The following TSPAN9 variants were observed in gnomAD, a reference collection of about 807,000 sequenced individuals.
The protein encoded by TSPAN9 is tetraspanin-9.
A neutral mutation model predicts 31.0 loss-of-function variants in TSPAN9; 16 were observed. That is an observed-to-expected ratio of 0.52 (90% CI 0.35 to 0.78). The LOEUF is 0.78. TSPAN9 is among the 30% of genes least tolerant of loss of function. The pLI, the probability that TSPAN9 is intolerant of heterozygous loss-of-function variation, is 0.01. For synonymous variants in TSPAN9, 145 were observed against 121.6 expected, an observed-to-expected ratio of 1.19 and a Z score of -1.27; for missense variants, 272 against 312.5, an observed-to-expected ratio of 0.87 and a Z score of 0.98.
rs930788871 is a variant in TSPAN9 at position 3,187,651 on chromosome 12, G to A, written c.-17-13526G>A. On this transcript the variant is annotated intron_variant, in intron 2 of 8. Transcript: ENST00000011898. The surrounding 1 kb of genome is among the most constrained non-coding windows in gnomAD (Gnocchi z 5.2). The stretch of plus-strand genomic sequence containing the variant: ...TTGCAGGGGTGGGTGAGGGCCAGAT[G>A]TGATCATTAGTGTGAGAGCCCCTCA... 2.6e-5 allele frequency among the ~76,000 whole-genome samples: 4 copies of A among 152,164 alleles called. No individual in the cohort carries two copies. The highest frequency in any genetic ancestry group is 5.9e-5 in the Non-Finnish European group (4 of 68,030).
At chr12:3,196,973 G>A (rs753339376) in intron 2 of TSPAN9, among the ~76,000 whole-genome samples, 7 of 152,280 alleles carry the variant, frequency 4.6e-5, no homozygotes, top group Middle Eastern at 3.4e-3. Flanking sequence ...GCCACCCTGC[G>A]AGGGCCCTCC....
intron 2 of TSPAN9, among the ~76,000 whole-genome samples, chr12:3,195,237 G>C (rs2098366491): frequency 6.6e-6 from 1 of 152,188 alleles, no homozygotes; most frequent in African/African-American, 2.4e-5. Context: ...GGGTGAGGGA[G>C]AGACCAAAGA....
intron 2 of TSPAN9, among the ~76,000 whole-genome samples, chr12:3,184,019 T>C (rs1176590329): frequency 6.6e-6 from 1 of 152,286 alleles, no homozygotes; most frequent in East Asian, 1.9e-4. Flanking sequence ...TCTGGATTGA[T>C]TGAAGCCAGG....
At chr12:3,130,496 G>C (rs540334980) in intron 2 of TSPAN9, among the ~76,000 whole-genome samples, 1 of 152,302 alleles carries the variant, frequency 6.6e-6, no homozygotes, top group African/African-American at 2.4e-5. Context: ...GAGGGTGGGA[G>C]CTGGGCAGAT....
Position 3,094,317 on chromosome 12 carries a change from A to T in TSPAN9, c.-18+10598A>T, listed in dbSNP as rs527779253. Among the ~76,000 whole-genome samples, 587 of 152,156 alleles carry T rather than the reference A, an allele frequency of 3.9e-3. 4 individuals carry two copies. The highest frequency in any genetic ancestry group is 5.1e-3 in the Non-Finnish European group (348 of 68,012). ...TGCTTTCTTTGCGCACCTTCCCAAC[A>T]TTGCCTCTATTAGAGAAATTCCCAA... On this transcript the variant is annotated intron_variant, in intron 2 of 8. Transcript: ENST00000011898.
Position 3,278,652 on chromosome 12 carries a change from T to A in TSPAN9, c.255+40T>A, listed in dbSNP as rs551592264. 1.0e-5 allele frequency: 16 copies of A among 1,594,536 alleles called. No individual in the cohort carries two copies. The South Asian group carries it at 1.8e-4, about 18-fold the overall frequency. On this transcript the variant is annotated intron_variant, in intron 4 of 8. Coordinates refer to ENST00000011898, the MANE Select transcript of TSPAN9 (RefSeq NM_006675.5). ...AATCCCCAGCCCCTCCAACTCCTGA[T>A]CTCCTTGCACTTGGACCCCTGGGAC...
chr12:3,272,826 G>T (rs1419413737), intron 3 of TSPAN9: 1 of 152,260 alleles, frequency 6.6e-6, no homozygotes, highest in Non-Finnish European at 1.5e-5. Flanking sequence ...GGATGCCTGC[G>T]TGAAACATAC....
intron 2 of TSPAN9, among the ~76,000 whole-genome samples, chr12:3,154,569 C>A (rs552238626): frequency 6.6e-6 from 1 of 152,234 alleles, no homozygotes; most frequent in Non-Finnish European, 1.5e-5. Flanking sequence ...GGCCCATCAG[C>A]GTGTTCCTCC....
At chr12:3,113,329 G>A (rs12099963) in intron 2 of TSPAN9, among the ~76,000 whole-genome samples, 12,620 of 152,150 alleles carry the variant, frequency 0.083, 1,686 homozygotes, top group African/African-American at 0.28. Context: ...GCATCCTGGT[G>A]GATGCCTGGG....
chr12:3,282,080 G>T (rs535970679), intron 8 of TSPAN9: 2 of 661,846 alleles, frequency 3.0e-6, no homozygotes, highest in Non-Finnish European at 5.6e-6. Context: ...GTCAACCCCC[G>T]TGGGTTCCCC....
At chr12:3,081,610 A>G (rs1288969692) in intron 1 of TSPAN9, among the ~76,000 whole-genome samples, 3 of 151,806 alleles carry the variant, frequency 2.0e-5, no homozygotes, top group Non-Finnish European at 4.4e-5. Context: ...CCTGGCCTTT[A>G]TATACTTCCT....
rs141599793 is a variant in TSPAN9, at chr12:3,109,228, T to A, written c.-18+25509T>A. Among the ~76,000 whole-genome samples the A allele has an allele frequency of 6.0e-5, 9 of 148,832 alleles. No homozygotes were observed. The East Asian group carries it at 6.1e-4, about 10-fold the overall frequency. ...TGGGATTACAGGTGTGAGCCACCGCTCCTGGCCAGGAGGAAGGATTCTTTA... is the reference window on the plus strand; with the variant it reads ...TGGGATTACAGGTGTGAGCCACCGCACCTGGCCAGGAGGAAGGATTCTTTA... On this transcript the variant is annotated intron_variant, in intron 2 of 8. Coordinates refer to ENST00000011898, the MANE Select transcript of TSPAN9 (RefSeq NM_006675.5).
At position 3,154,010 on chromosome 12, in the gene TSPAN9, A is replaced by ATG. The variant is rs56928697; in HGVS notation, c.-17-47137_-17-47136dup. The stretch of plus-strand genomic sequence containing the variant: ...ATTAATATATTAGTATTATATATAT[A>ATG]TGTGTGTGTGTGTGTGTGTGTGTGT... On this transcript the variant is annotated intron_variant, in intron 2 of 8. Coordinates refer to ENST00000011898, the MANE Select transcript of TSPAN9 (RefSeq NM_006675.5). Among the ~76,000 whole-genome samples the ATG allele has an allele frequency of 8.6e-3, 1,271 of 147,940 alleles. 14 individuals are homozygous for ATG. Among genetic ancestry groups the ATG allele is most frequent in the African/African-American group, 0.027 (1,076 of 39,978 alleles).
chr12:3,184,755 A>G (rs1031512357), intron 2 of TSPAN9, among the ~76,000 whole-genome samples: 1 of 152,042 alleles, frequency 6.6e-6, no homozygotes, highest in Non-Finnish European at 1.5e-5. Flanking sequence ...GGGGATGGGA[A>G]TAGCTTGCAC....
intron 2 of TSPAN9, among the ~76,000 whole-genome samples, chr12:3,132,318 A>G (rs1343232333): frequency 6.6e-6 from 1 of 152,072 alleles, no homozygotes; most frequent in African/African-American, 2.4e-5. Context: ...TGGTAATTCT[A>G]TGTTTTAACA....
chr12:3,115,499 C>T (rs1193146809), intron 2 of TSPAN9, among the ~76,000 whole-genome samples: 1 of 152,200 alleles, frequency 6.6e-6, no homozygotes, highest in Non-Finnish European at 1.5e-5. Flanking sequence ...ATCACAAAGT[C>T]CCACAGACTG....
At chr12:3,174,032 C>T (rs1051163091) in intron 2 of TSPAN9, 3 of 152,248 alleles carry the variant, frequency 2.0e-5, no homozygotes, top group African/African-American at 4.8e-5. Flanking sequence ...TGCTAGATGA[C>T]CCTGAATAAA....
At position 3,165,738 on chromosome 12, in the gene TSPAN9, G is replaced by A. The variant is rs139371828; in HGVS notation, c.-17-35439G>A. On this transcript the variant is annotated intron_variant, in intron 2 of 8. Coordinates refer to ENST00000011898, the MANE Select transcript of TSPAN9 (RefSeq NM_006675.5). ...CCGTCTGTGTCTTTGTGAGGCGCCC[G>A]TGAGATTAGCCACTGAGCAGAGGTT... Among the ~76,000 whole-genome samples the A allele has an allele frequency of 2.3e-3, 354 of 152,314 alleles. 2 individuals carry two copies. The highest frequency in any genetic ancestry group is 8.1e-3 in the African/African-American group (336 of 41,568).
At chr12:3,226,777 TATATATATATATATATA>T (rs1354150358) in intron 3 of TSPAN9, among the ~76,000 whole-genome samples, 134 of 7,128 alleles carry the variant, frequency 0.019, 28 homozygotes, top group African/African-American at 0.056. Flanking sequence ...TATATATATA[TATATATATATATATATA>T]TTTTTTTTTT....
Sources: gnomAD v4.1 joint callset for allele counts (sites outside exome capture counted in the v4.1 genomes callset) on GRCh38, gnomAD v4.1.1 for gene constraint, Gnocchi (gnomAD v3.1) non-coding constraint, MANE v1.5 for transcripts, NCBI Gene and HGNC (gene_info 2026-07-23, HGNC 2026-07-21) for gene names.